IQGAP1: variants seen among roughly 807,000 people sequenced by gnomAD.
The protein encoded by IQGAP1 is IQ motif containing GTPase activating protein 1.
A neutral mutation model predicts 215.6 loss-of-function variants in IQGAP1; 66 were observed. The ratio of observed to expected loss-of-function variants is 0.31; its 90% CI spans 0.25 to 0.38. The LOEUF (loss-of-function observed/expected upper bound fraction) is 0.38. Ranked by LOEUF, IQGAP1 falls within the 10% of genes least tolerant of loss-of-function variation. The pLI is 1.00. For missense variants in IQGAP1, 1,712 were observed against 1,997.1 expected (o/e 0.86, Z 2.72); for synonymous variants, 772 against 728.7 (o/e 1.06, Z -0.96).
At chr15:90,483,631 G>C (rs1211192028) in intron 29 of IQGAP1, 38 bp downstream of exon 29, 14 of 1,421,204 alleles carry the variant, frequency 9.9e-6, no homozygotes, top group Non-Finnish European at 1.4e-5. Context: ...AGAGTCTGTG[G>C]ATGTATTTTT....
chr15:90,483,638 T>A (rs1966088054), intron 29 of IQGAP1, 45 bp downstream of exon 29: 1 of 1,376,496 alleles, frequency 7.3e-7, no homozygotes, highest in Non-Finnish European at 1.0e-6. Context: ...GTGGATGTAT[T>A]TTTATTGTTG....
chr15:90,429,698 G>A, intron 4 of IQGAP1, 32 bp downstream of exon 4: 2 of 1,427,430 alleles, frequency 1.4e-6, no homozygotes, highest in Admixed American at 2.1e-5. Context: ...TTTAGGCTTT[G>A]TTCCAGCTGT....
chr15:90,418,461 A>G (rs749594948), intron 2 of IQGAP1, among the ~76,000 whole-genome samples: 19 of 151,812 alleles, frequency 1.3e-4, no homozygotes, highest in Non-Finnish European at 2.4e-4. Flanking sequence ...GGTGGTACAC[A>G]CCTGTGGTCC....
chr15:90,491,344 T>C lies in IQGAP1; in HGVS notation c.4260T>C (p.His1420=), dbSNP rs1357419298. Residue 1420 remains histidine (H), a synonymous_variant, in exon 34 of 38, where the codon CAT becomes CAC. Coordinates refer to ENST00000268182, the MANE Select transcript of IQGAP1 (RefSeq NM_003870.4). ...TPATSEQEAE[H]QRAMQRRAIR... ...TTTCCCATCCGTAGGAAGCAGAACA[T>C]CAGAGAGCCATGCAGAGACGTGCTA... 6.2e-7 allele frequency: 1 copy of C among 1,613,920 alleles called. No homozygotes were observed. Among genetic ancestry groups the C allele is most frequent in the Non-Finnish European group, 8.5e-7 (1 of 1,179,928 alleles).
In IQGAP1 at chr15:90,484,352, TGTAA is replaced by T. The variant is rs1261074257; in HGVS notation, c.3921+4_3921+7del. 1.2e-6 allele frequency: 2 copies of T among 1,606,096 alleles called. No homozygotes were observed. Among genetic ancestry groups the T allele is most frequent in the Non-Finnish European group, 1.7e-6 (2 of 1,175,676 alleles). The stretch of plus-strand genomic sequence containing the variant: ...TTGGTGAAATCATCAACACCCACAC[TGTAA>T]GTATTTTTCTTTAATTACTTAATTT... On this transcript the variant is annotated splice_donor_variant and splice_donor_region_variant and intron_variant, in intron 30 of 37. Transcript: ENST00000268182. LOFTEE classifies it high-confidence loss of function.
intron 9 of IQGAP1, among the ~76,000 whole-genome samples, chr15:90,443,794 AC>A (rs1965485915): frequency 6.6e-6 from 1 of 152,138 alleles, no homozygotes; most frequent in South Asian, 2.1e-4. Context: ...TAATCCCAGC[AC>A]TTACATATCT....
chr15:90,388,870 C>T (rs191318579), intron 1 of IQGAP1, among the ~76,000 whole-genome samples: 176 of 152,268 alleles, frequency 1.2e-3, no homozygotes, highest in African/African-American at 3.4e-3. Flanking sequence ...CTACGAGGTG[C>T]CGTCCTGGGC....
chr15:90,435,404 A>C (rs1965357580), intron 5 of IQGAP1, among the ~76,000 whole-genome samples: 1 of 152,202 alleles, frequency 6.6e-6, no homozygotes, highest in Admixed American at 6.5e-5. Context: ...TAAGCCGAGG[A>C]GTTTGAGACT....
intron 15 of IQGAP1, among the ~76,000 whole-genome samples, chr15:90,456,713 TA>T (rs59435003): frequency 2.0e-3 from 252 of 127,940 alleles, no homozygotes; most frequent in Middle Eastern, 7.8e-3. Context: ...TCATCTCTAC[TA>T]AAAAAAAAAA....
Position 90,477,209 on chromosome 15 carries a change from C to T in IQGAP1, c.3083C>T (p.Thr1028Ile), listed in dbSNP as rs1419178854. ...TACCTGCTCCTGCGGCTCTTTAAGA[C>T]AGCACTCCAAGAGGAAATCAAGTAT... ...EEYLLLRLFK[T>I]ALQEEIKSKV... Residue 1028 changes from threonine (T) to isoleucine (I), a missense_variant, in exon 25 of 38, where the codon ACA becomes ATA. Thr to Ile is a moderately conservative substitution (Grantham distance 89, BLOSUM62 -1). Transcript: ENST00000268182. The T allele has an allele frequency of 1.2e-5, 20 of 1,613,954 alleles. No homozygotes were observed. The highest frequency in any genetic ancestry group is 1.7e-5 in the Non-Finnish European group (20 of 1,179,994).
At chr15:90,420,425 T>C (rs1965117086) in intron 2 of IQGAP1, among the ~76,000 whole-genome samples, 2 of 152,208 alleles carry the variant, frequency 1.3e-5, no homozygotes, top group African/African-American at 2.4e-5. Flanking sequence ...CAGTAGAGAA[T>C]TGATGCCGGC....
chr15:90,480,043 G>A (rs1966035208), intron 26 of IQGAP1, among the ~76,000 whole-genome samples: 1 of 151,874 alleles, frequency 6.6e-6, no homozygotes, highest in Non-Finnish European at 1.5e-5. Context: ...TTTCAGGATT[G>A]GTTTTCTTGT....
In IQGAP1 at chr15:90,449,575, C is replaced by G. The variant is rs1290580947; in HGVS notation, c.1094C>G (p.Pro365Arg). 7 of 1,612,536 alleles carry G rather than the reference C, an allele frequency of 4.3e-6. No individual in the cohort carries two copies. Among genetic ancestry groups the G allele is most frequent in the African/African-American group, 1.3e-5 (1 of 74,870 alleles). ...TTTGCTCAGAGTGGTCAGACTGACC[C>G]CCTGCAGAAGGAGGAGCTGCAGTCT... ...QQKRQSGQTD[P>R]LQKEELQSGV... is the part of the protein sequence containing the mutation. The change falls in exon 11 of 38, where the codon CCC (proline) becomes CGC (arginine). Residue 365 changes from proline to arginine, a missense_variant. By Grantham distance (103) the Pro-to-Arg change is moderately radical. This residue lies in a region of IQGAP1 where 1,021 missense variants were observed against 1,074.2 expected (regional missense o/e 0.95). Coordinates refer to ENST00000268182, the MANE Select transcript of IQGAP1 (RefSeq NM_003870.4).
At chr15:90,456,408 G>A in intron 15 of IQGAP1, 93 bp downstream of exon 15, 1 of 1,257,048 alleles carries the variant, frequency 8.0e-7, no homozygotes, top group Non-Finnish European at 1.1e-6. Flanking sequence ...GATTCATTCA[G>A]TGAATGCCTT....
At chr15:90,455,872 A>G (rs1423836273) in intron 14 of IQGAP1, among the ~76,000 whole-genome samples, 1 of 152,232 alleles carries the variant, frequency 6.6e-6, no homozygotes, top group African/African-American at 2.4e-5. Flanking sequence ...GCTATACAGT[A>G]AGGCCAGTTT....
At chr15:90,450,592 C>G (rs889012036) in intron 11 of IQGAP1, among the ~76,000 whole-genome samples, 5 of 151,838 alleles carry the variant, frequency 3.3e-5, no homozygotes, top group African/African-American at 9.7e-5. Flanking sequence ...AGCCCTTTCT[C>G]TGCAGCCTTC....
intron 15 of IQGAP1, among the ~76,000 whole-genome samples, chr15:90,461,751 C>T (rs748231641): frequency 1.7e-4 from 26 of 151,932 alleles, no homozygotes; most frequent in Non-Finnish European, 3.5e-4. Flanking sequence ...TGCTTGAACC[C>T]GGGAGTAGGA....
At chr15:90,487,354 C>T (rs1966140807) in intron 32 of IQGAP1, 141 bp from the exon 33 acceptor site, 2 of 685,314 alleles carry the variant, frequency 2.9e-6, no homozygotes, top group African/African-American at 1.8e-5. Context: ...AGCCTTGTGC[C>T]TTGAGTACTG....
At chr15:90,397,895 T>TTCTTTTTA (rs1404572018) in intron 2 of IQGAP1, 1 of 148,034 alleles carries the variant, frequency 6.8e-6, no homozygotes, top group Non-Finnish European at 1.5e-5. Flanking sequence ...TTTCTTTTTT[T>TTCTTTTTA]TTTTTGAGAT....
Sources: gnomAD v4.1 joint callset for allele counts (sites outside exome capture counted in the v4.1 genomes callset) on GRCh38, gnomAD v4.1.1 for gene constraint, gnomAD v4.1.1 regional missense constraint, MANE v1.5 for transcripts, NCBI Gene and HGNC (gene_info 2026-07-23, HGNC 2026-07-21) for gene names.